LSAMP: variants seen among roughly 807,000 people sequenced by gnomAD.
LSAMP encodes limbic system associated membrane protein, also known as limbic system-associated membrane protein.
A neutral mutation model predicts 38.6 loss-of-function variants in LSAMP; 7 were observed. The ratio of observed to expected loss-of-function variants is 0.18; its 90% confidence interval spans 0.10 to 0.34. LSAMP has a LOEUF of 0.34. Ranked by LOEUF, LSAMP falls within the 10% of genes least tolerant of loss-of-function variation. The pLI is 1.00. For missense variants in LSAMP, 313 were observed against 420.0 expected, an observed-to-expected ratio of 0.75 and a Z score of 2.23; for synonymous variants, 154 against 166.8, an observed-to-expected ratio of 0.92 and a Z score of 0.59.
At chr3:116,269,157 T>C (rs1559806390) in intron 1 of LSAMP, among the ~76,000 whole-genome samples, 1 of 152,048 alleles carries the variant, frequency 6.6e-6, no homozygotes, top group Non-Finnish European at 1.5e-5. Flanking sequence ...AATTATGGCT[T>C]CAAGGGAACA....
chr3:115,912,188 C>T lies in LSAMP; in HGVS notation c.515-59571G>A, dbSNP rs370019846. 7.1e-4 allele frequency among the ~76,000 whole-genome samples: 108 copies of T among 152,236 alleles called. No individual in the cohort carries two copies. The East Asian group carries it at 0.012, about 17-fold the overall frequency. ...GTCAATTTATTGACTTTTCCTTTTA[C>T]GGACCATGCTTTTGATGTCAAGCCT... On this transcript the variant is annotated intron_variant, in intron 3 of 6. Coordinates refer to ENST00000490035, the MANE Select transcript of LSAMP (RefSeq NM_002338.5).
chr3:116,308,539 G>T (rs1335483933), intron 1 of LSAMP, among the ~76,000 whole-genome samples: 1 of 152,008 alleles, frequency 6.6e-6, no homozygotes, highest in Non-Finnish European at 1.5e-5. Context: ...ACTTCCAAAG[G>T]TTCAGGTCTA....
chr3:115,838,685 G>A (rs1454534335), intron 6 of LSAMP, among the ~76,000 whole-genome samples: 2 of 152,138 alleles, frequency 1.3e-5, no homozygotes, highest in African/African-American at 2.4e-5. Context: ...AATGAGAAAG[G>A]AATGCTTCCA....
chr3:116,058,025 T>C (rs1941523648), intron 2 of LSAMP, among the ~76,000 whole-genome samples: 2 of 151,406 alleles, frequency 1.3e-5, no homozygotes, highest in South Asian at 4.2e-4. Flanking sequence ...TGCAGCAGCA[T>C]GGTACAGTGG....
chr3:116,204,044 A>G (rs1423887282), intron 1 of LSAMP, among the ~76,000 whole-genome samples: 2 of 151,496 alleles, frequency 1.3e-5, no homozygotes, highest in Non-Finnish European at 3.0e-5. Flanking sequence ...CTATTTCTCC[A>G]CATCCTCTCC....
chr3:116,105,062 C>A (rs895573226), intron 1 of LSAMP, among the ~76,000 whole-genome samples: 3 of 151,886 alleles, frequency 2.0e-5, no homozygotes, highest in Non-Finnish European at 4.4e-5. Flanking sequence ...CTGGAAGAGC[C>A]AGCTATACTC....
chr3:115,899,444 A>G (rs959167506), intron 3 of LSAMP, among the ~76,000 whole-genome samples: 2 of 152,154 alleles, frequency 1.3e-5, no homozygotes, highest in African/African-American at 4.8e-5. Context: ...CACCAAGTCT[A>G]CTTTCCTTGG....
intron 1 of LSAMP, among the ~76,000 whole-genome samples, chr3:116,434,958 G>A (rs1446322591): frequency 2.6e-5 from 4 of 152,132 alleles, no homozygotes; most frequent in African/African-American, 9.7e-5. Flanking sequence ...CCTTCATTCT[G>A]CCAACTCCAT....
intron 1 of LSAMP, among the ~76,000 whole-genome samples, chr3:116,172,269 A>G (rs555740697): frequency 1.3e-4 from 20 of 152,102 alleles, no homozygotes; most frequent in African/African-American, 4.6e-4. Context: ...ACCGTCTATA[A>G]TCTGACAGCA....
chr3:115,902,087 T>C (rs1157982362), intron 3 of LSAMP, among the ~76,000 whole-genome samples: 1 of 152,060 alleles, frequency 6.6e-6, no homozygotes, highest in Non-Finnish European at 1.5e-5. Context: ...AAATCAACTC[T>C]TGTGCATTTT....
intron 3 of LSAMP, 27 bp from the exon 4 acceptor site, chr3:115,852,644 T>C: frequency 1.3e-6 from 2 of 1,598,804 alleles, no homozygotes; most frequent in African/African-American, 1.3e-5. Context: ...TTCATGATTC[T>C]TTTTTAAAGT....
intron 3 of LSAMP, among the ~76,000 whole-genome samples, chr3:115,978,680 G>C: frequency 6.8e-6 from 1 of 146,366 alleles, no homozygotes; most frequent in East Asian, 2.0e-4. Context: ...GAGAGACTAA[G>C]AAAAGAATCA....
At chr3:115,813,996 A>G (rs2107452656) in intron 6 of LSAMP, among the ~76,000 whole-genome samples, 1 of 152,362 alleles carries the variant, frequency 6.6e-6, no homozygotes, top group Middle Eastern at 3.4e-3. Context: ...TCTTTTTCAT[A>G]TAACAGACAA....
At chr3:115,965,014 GA>G in intron 3 of LSAMP, among the ~76,000 whole-genome samples, 1 of 151,932 alleles carries the variant, frequency 6.6e-6, no homozygotes, top group Admixed American at 6.6e-5. Context: ...TGTTGAACTT[GA>G]AAAAGTGATT....
chr3:115,825,502 G>A (rs555717639), intron 6 of LSAMP, among the ~76,000 whole-genome samples: 159 of 152,262 alleles, frequency 1.0e-3, no homozygotes, highest in Non-Finnish European at 1.4e-3. Context: ...TTACTGAAAA[G>A]CTGCAAGTTT....
At chr3:116,233,412 CAAAAAAAAAA>C (rs3028677) in intron 1 of LSAMP, among the ~76,000 whole-genome samples, 1 of 70,046 alleles carries the variant, frequency 1.4e-5, no homozygotes, top group Non-Finnish European at 2.4e-5. Context: ...GACTCTGTCT[CAAAAAAAAAA>C]AAAAAAAAAA....
intron 1 of LSAMP, among the ~76,000 whole-genome samples, chr3:116,374,846 C>T (rs982023829): frequency 6.6e-6 from 1 of 151,760 alleles, no homozygotes; most frequent in African/African-American, 2.4e-5. Context: ...TCTCCTAGGA[C>T]CCCAGAACAT....
At chr3:115,893,910 G>A (rs576459713) in intron 3 of LSAMP, among the ~76,000 whole-genome samples, 4 of 151,980 alleles carry the variant, frequency 2.6e-5, no homozygotes, top group East Asian at 1.9e-4. Flanking sequence ...TGCATACTCC[G>A]TAGCCATGTG....
intron 1 of LSAMP, among the ~76,000 whole-genome samples, chr3:116,160,731 T>G (rs949434511): frequency 6.6e-6 from 1 of 152,316 alleles, no homozygotes; most frequent in African/African-American, 2.4e-5. Context: ...TATGTGAATA[T>G]GTAATGGATG....
Sources: gnomAD v4.1 joint callset for allele counts (sites outside exome capture counted in the v4.1 genomes callset) on GRCh38, gnomAD v4.1.1 for gene constraint, MANE v1.5 for transcripts, NCBI Gene and HGNC (gene_info 2026-07-23, HGNC 2026-07-21) for gene names.